The following KIF6 variants were observed in gnomAD, a reference collection of about 807,000 sequenced individuals.
The protein encoded by KIF6 is kinesin-like protein KIF6.
Under a neutral mutation model 112.7 loss-of-function variants are expected in KIF6, and 106 were observed. That is an observed-to-expected ratio of 0.94 (90% CI 0.80 to 1.11). The LOEUF (loss-of-function observed/expected upper bound fraction) is 1.11, where lower values mean the gene tolerates loss of function less well. KIF6 is among the 50% of genes least tolerant of loss of function. The pLI, the probability that KIF6 is intolerant of heterozygous loss-of-function variation, is 0.00. For synonymous variants in KIF6, 339 were observed against 339.9 expected (o/e 1.00, Z 0.03); for missense variants, 929 against 964.0 (o/e 0.96, Z 0.48).
At chr6:39,593,105 A>AT (rs1782041467) in intron 7 of KIF6, among the ~76,000 whole-genome samples, 1 of 152,224 alleles carries the variant, frequency 6.6e-6, no homozygotes, top group Admixed American at 6.5e-5. Context: ...GCTGGCTAAC[A>AT]TGATAGTCCT....
At chr6:39,594,073 A>G (rs1484751341) in intron 7 of KIF6, among the ~76,000 whole-genome samples, 1 of 152,186 alleles carries the variant, frequency 6.6e-6, no homozygotes, top group Non-Finnish European at 1.5e-5. Flanking sequence ...AAATAACTTA[A>G]TGATATAGAA....
intron 13 of KIF6, among the ~76,000 whole-genome samples, chr6:39,503,743 C>T (rs1436109854): frequency 2.6e-5 from 4 of 151,272 alleles, no homozygotes; most frequent in Admixed American, 1.3e-4. Context: ...GGATAAATTC[C>T]TGAATACATA....
At chr6:39,567,937 G>C (rs572211005) in intron 10 of KIF6, among the ~76,000 whole-genome samples, 3 of 152,308 alleles carry the variant, frequency 2.0e-5, no homozygotes, top group South Asian at 4.1e-4. Flanking sequence ...TATCAACAGA[G>C]GCTGGTCCTG....
intron 6 of KIF6, among the ~76,000 whole-genome samples, chr6:39,609,234 C>T (rs1019225925): frequency 6.6e-6 from 1 of 152,120 alleles, no homozygotes; most frequent in Admixed American, 6.5e-5. Flanking sequence ...TGACCATTCA[C>T]GTGGGAAAGG....
At chr6:39,530,852 T>G (rs1334776037) in intron 13 of KIF6, among the ~76,000 whole-genome samples, 1 of 152,144 alleles carries the variant, frequency 6.6e-6, no homozygotes, top group Non-Finnish European at 1.5e-5. Flanking sequence ...TACTTATTAA[T>G]TTTTTTGTAT....
At chr6:39,653,434 T>C (rs1476520936) in intron 3 of KIF6, among the ~76,000 whole-genome samples, 1 of 152,158 alleles carries the variant, frequency 6.6e-6, no homozygotes, top group Non-Finnish European at 1.5e-5. Context: ...TTTAAGGTTT[T>C]CCTCCTAAAG....
rs1253761273 is a variant in KIF6 at position 39,333,279 on chromosome 6, C to A, written c.*3253G>T. On this transcript the variant is annotated 3_prime_UTR_variant, in exon 23 of 23. Transcript: ENST00000287152. ...CTGTCTCTGGGTTCCAATTTCTGTG[C>A]CAGTCTGCTATTGCTACAATTAATG... The A allele has an allele frequency of 1.3e-5, 2 of 152,188 alleles. No individual in the cohort carries two copies. The highest frequency in any genetic ancestry group is 1.5e-5 in the Non-Finnish European group (1 of 68,044). 9.4% of individuals were successfully genotyped at this position (152,188 alleles called of 1,614,324 possible). A position where few individuals can be genotyped will look rare whatever the true frequency, so the allele number is the denominator to read the frequency against.
chr6:39,482,506 G>C (rs1470846002), intron 13 of KIF6, among the ~76,000 whole-genome samples: 1 of 152,140 alleles, frequency 6.6e-6, no homozygotes. Flanking sequence ...GAAGTGTCTG[G>C]GTAGTGACAA....
intron 19 of KIF6, among the ~76,000 whole-genome samples, chr6:39,355,791 T>C (rs1764629609): frequency 6.6e-6 from 1 of 151,958 alleles, no homozygotes; most frequent in Admixed American, 6.6e-5. Context: ...TACTTTTTTT[T>C]TTTTTTTAAA....
At chr6:39,595,094 T>C (rs1338072313) in intron 7 of KIF6, among the ~76,000 whole-genome samples, 1 of 152,002 alleles carries the variant, frequency 6.6e-6, no homozygotes, top group Non-Finnish European at 1.5e-5. Context: ...GGGGTAGAAG[T>C]AGGAAGGGAA....
chr6:39,708,797 A>C (rs1288936005), intron 3 of KIF6, among the ~76,000 whole-genome samples: 2 of 152,030 alleles, frequency 1.3e-5, no homozygotes, highest in African/African-American at 4.8e-5. Context: ...CTCAAGGATA[A>C]TGTACTATTT....
chr6:39,373,795 C>A, intron 16 of KIF6, among the ~76,000 whole-genome samples: 1 of 152,044 alleles, frequency 6.6e-6, no homozygotes, highest in Non-Finnish European at 1.5e-5. Context: ...TTAAAATATT[C>A]ATACTACCCA....
At chr6:39,576,370 C>T (rs544457784) in intron 10 of KIF6, among the ~76,000 whole-genome samples, 4 of 152,118 alleles carry the variant, frequency 2.6e-5, no homozygotes, top group South Asian at 2.1e-4. Context: ...GTGATCCACC[C>T]GCCTCAGCCT....
At chr6:39,609,632 T>C (rs1403049266) in intron 6 of KIF6, among the ~76,000 whole-genome samples, 1 of 152,114 alleles carries the variant, frequency 6.6e-6, no homozygotes, top group African/African-American at 2.4e-5. Context: ...CCAACGAAGA[T>C]ATAAAAGTAT....
chr6:39,680,662 AC>A (rs1787460388), intron 3 of KIF6, among the ~76,000 whole-genome samples: 1 of 152,166 alleles, frequency 6.6e-6, no homozygotes, highest in African/African-American at 2.4e-5. Flanking sequence ...ACCCCATGCT[AC>A]TCTGACAACT....
chr6:39,555,396 G>T (rs1442221598), intron 10 of KIF6, among the ~76,000 whole-genome samples: 1 of 152,040 alleles, frequency 6.6e-6, no homozygotes, highest in Non-Finnish European at 1.5e-5. Flanking sequence ...GTCTTTTGCT[G>T]CCCCCCACCC....
At chr6:39,469,673 A>G (rs1382042233) in intron 13 of KIF6, among the ~76,000 whole-genome samples, 1 of 152,218 alleles carries the variant, frequency 6.6e-6, no homozygotes, top group Non-Finnish European at 1.5e-5. Context: ...TCACCCAGGT[A>G]TTAAATCTAG....
chr6:39,591,973 G>A (rs1049874750), intron 7 of KIF6, among the ~76,000 whole-genome samples: 9 of 152,230 alleles, frequency 5.9e-5, no homozygotes, highest in African/African-American at 1.7e-4. Flanking sequence ...TTAGCCAGGT[G>A]TGGTGGCTGG....
At position 39,702,410 on chromosome 6, in the gene KIF6, T is replaced by G. The variant is rs143037208; in HGVS notation, c.251+12282A>C. Among the ~76,000 whole-genome samples the G allele has an allele frequency of 2.6e-4, 40 of 152,332 alleles. 1 individual carries two copies. In the East Asian group the frequency reaches 5.8e-3, roughly 22 times the overall value. On this transcript the variant is annotated intron_variant, in intron 3 of 22. Transcript: ENST00000287152. ...CTTCGGCCATGGCTGCAGACGACAG[T>G]GTCACAGGATCACAACATAGTTCCA...
Sources: gnomAD v4.1 joint callset for allele counts (sites outside exome capture counted in the v4.1 genomes callset) on GRCh38, gnomAD v4.1.1 for gene constraint, MANE v1.5 for transcripts, NCBI Gene and HGNC (gene_info 2026-07-23, HGNC 2026-07-21) for gene names.